Variants in PTPRD observed in about 807,000 individuals in gnomAD.
The protein encoded by PTPRD is protein tyrosine phosphatase receptor type D.
In PTPRD, 34 loss-of-function variants were observed where a neutral mutation model predicts 214.5. The observed-to-expected ratio is 0.16, with a 90% CI of 0.12 to 0.21. The LOEUF is 0.21. Among genes scored for constraint, PTPRD ranks in the 10% least tolerant of loss-of-function variants. PTPRD has a pLI of 1.00. For missense variants in PTPRD, 2,545 were observed against 2,398.7 expected (o/e 1.06, Z -1.27); for synonymous variants, 1,128 against 845.7 (o/e 1.33, Z -5.79).
At chr9:8,320,869 G>T (rs1298936643) in intron 44 of PTPRD, among the ~76,000 whole-genome samples, 1 of 152,060 alleles carries the variant, frequency 6.6e-6, no homozygotes, top group Non-Finnish European at 1.5e-5. Context: ...GATAATGAGG[G>T]AAACAGTGAA....
chr9:8,339,219 C>A (rs1035503874), intron 42 of PTPRD, among the ~76,000 whole-genome samples, 172 bp from the exon 43 acceptor site: 1 of 152,112 alleles, frequency 6.6e-6, no homozygotes, highest in African/African-American at 2.4e-5. Flanking sequence ...CATGAGCTCC[C>A]TTCATAGGGA....
intron 9 of PTPRD, among the ~76,000 whole-genome samples, chr9:9,198,709 T>C (rs2099940115): frequency 6.6e-6 from 1 of 152,186 alleles, no homozygotes; most frequent in Admixed American, 6.5e-5. Context: ...AAAATAAAAA[T>C]GAAGTGGATA....
At chr9:9,061,479 G>A (rs1293402249) in intron 10 of PTPRD, among the ~76,000 whole-genome samples, 1 of 152,102 alleles carries the variant, frequency 6.6e-6, no homozygotes, top group Non-Finnish European at 1.5e-5. Context: ...TAGCTTCAGA[G>A]CAGTTACTGT....
intron 3 of PTPRD, among the ~76,000 whole-genome samples, chr9:10,142,083 G>A (rs888800367): frequency 6.6e-6 from 1 of 152,006 alleles, no homozygotes; most frequent in Non-Finnish European, 1.5e-5. Flanking sequence ...GTAGAAAGCT[G>A]AAACTGGATC....
chr9:9,014,063 C>T (rs2099523062), intron 11 of PTPRD, among the ~76,000 whole-genome samples: 1 of 151,964 alleles, frequency 6.6e-6, no homozygotes, highest in South Asian at 2.1e-4. Context: ...TAGATAACAC[C>T]ATTTTTCTAT....
chr9:8,937,704 T>C (rs1475297582), intron 11 of PTPRD, among the ~76,000 whole-genome samples: 1 of 152,184 alleles, frequency 6.6e-6, no homozygotes, highest in African/African-American at 2.4e-5. Flanking sequence ...CTTTGGAGCC[T>C]TCCTCCTCCT....
intron 8 of PTPRD, among the ~76,000 whole-genome samples, chr9:9,528,146 G>C (rs1413381108): frequency 5.3e-5 from 8 of 152,188 alleles, no homozygotes; most frequent in Admixed American, 3.9e-4. Flanking sequence ...GAGTAAGAGA[G>C]AGGAGTAAGC....
intron 5 of PTPRD, among the ~76,000 whole-genome samples, chr9:9,774,061 T>C (rs935835096): frequency 3.3e-5 from 5 of 152,202 alleles, no homozygotes; most frequent in African/African-American, 9.6e-5. Context: ...TACTCTGCCT[T>C]TGCACTAAGG....
intron 5 of PTPRD, among the ~76,000 whole-genome samples, chr9:9,891,037 C>G (rs952513627): frequency 6.6e-6 from 1 of 152,196 alleles, no homozygotes; most frequent in Admixed American, 6.6e-5. Context: ...CTATAAAAAC[C>G]TTCATGGAAG....
At chr9:8,929,548 C>T (rs149379027) in intron 11 of PTPRD, among the ~76,000 whole-genome samples, 41,188 of 151,280 alleles carry the variant, frequency 0.27, 6,262 homozygotes, top group Middle Eastern at 0.35. Context: ...CCGACTTGAT[C>T]GTGGTAGATA....
At chr9:9,704,824 T>C (rs960009327) in intron 7 of PTPRD, among the ~76,000 whole-genome samples, 1 of 152,204 alleles carries the variant, frequency 6.6e-6, no homozygotes, top group East Asian at 1.9e-4. Context: ...AACCATCTTA[T>C]AGATTCCAAA....
In PTPRD at chr9:9,339,087, T is replaced by C. The variant is rs574004241; in HGVS notation, c.-203+58362A>G. On this transcript the variant is annotated intron_variant, in intron 9 of 45. Coordinates refer to ENST00000381196, the MANE Select transcript of PTPRD (RefSeq NM_002839.4). ...TTAATCTTGTCAGTTGCCAGTGCCA[T>C]TGGGAGGGCTTCTCCATAGGCATGA... 9.5e-4 allele frequency among the ~76,000 whole-genome samples: 144 copies of C among 152,232 alleles called. 1 individual carries two copies. The highest frequency in any genetic ancestry group is 3.4e-3 in the Middle Eastern group (1 of 294).
At chr9:9,243,931 C>A (rs979015793) in intron 9 of PTPRD, among the ~76,000 whole-genome samples, 3 of 152,184 alleles carry the variant, frequency 2.0e-5, no homozygotes, top group African/African-American at 7.2e-5. Flanking sequence ...TGACAAGCAA[C>A]TTCAGCAAAG....
intron 3 of PTPRD, among the ~76,000 whole-genome samples, chr9:10,141,933 T>C (rs966272642): frequency 6.6e-6 from 1 of 151,712 alleles, no homozygotes; most frequent in Non-Finnish European, 1.5e-5. Context: ...GAGATATAGA[T>C]CAATGGAACA....
chr9:8,567,679 G>C (rs981292077), intron 14 of PTPRD, among the ~76,000 whole-genome samples: 1 of 152,090 alleles, frequency 6.6e-6, no homozygotes. Flanking sequence ...AGTAAATTCA[G>C]TATTTTTGGT....
chr9:8,535,578 C>A (rs987197598), intron 14 of PTPRD, among the ~76,000 whole-genome samples: 1 of 151,860 alleles, frequency 6.6e-6, no homozygotes, highest in African/African-American at 2.4e-5. Flanking sequence ...TTCCCTATAT[C>A]ATGGCAGGCA....
chr9:10,157,169 C>A (rs1343519225), intron 3 of PTPRD, among the ~76,000 whole-genome samples: 1 of 152,154 alleles, frequency 6.6e-6, no homozygotes, highest in African/African-American at 2.4e-5. Flanking sequence ...TTGATTCTGT[C>A]ATCATGACAT....
intron 3 of PTPRD, among the ~76,000 whole-genome samples, chr9:10,211,097 A>C (rs2099515032): frequency 6.6e-6 from 1 of 151,910 alleles, no homozygotes; most frequent in Non-Finnish European, 1.5e-5. Flanking sequence ...TCTTGGGAAA[A>C]AGGGGGAGAT....
chr9:8,451,918 C>A, intron 33 of PTPRD: 1 of 495,386 alleles, frequency 2.0e-6, no homozygotes. Flanking sequence ...GGGTAACCTC[C>A]TTATCTTCTT....
Sources: allele counts gnomAD v4.1 joint callset (sites outside exome capture counted in the v4.1 genomes callset), GRCh38; gene constraint gnomAD v4.1.1; transcripts MANE v1.5; gene names NCBI Gene and HGNC (gene_info 2026-07-23, HGNC 2026-07-21).